Variants in CATSPERD observed in about 807,000 individuals in gnomAD.
CATSPERD encodes cation channel sperm-associated auxiliary subunit delta.
In CATSPERD, 86 loss-of-function variants were observed where a neutral mutation model predicts 98.1. The observed-to-expected ratio is 0.88, with a 90% CI of 0.74 to 1.05. The LOEUF (loss-of-function observed/expected upper bound fraction) is 1.05, where lower values mean the gene tolerates loss of function less well. Among genes scored for constraint, CATSPERD ranks in the 50% least tolerant of loss-of-function variants. The pLI is 0.00. For missense variants in CATSPERD, 995 were observed against 1,005.7 expected (o/e 0.99, Z 0.14); for synonymous variants, 394 against 390.2 (o/e 1.01, Z -0.12).
In CATSPERD at chr19:5,720,696, G is replaced by C. The variant is rs1459109712; in HGVS notation, c.-42G>C. On this transcript the variant is annotated 5_prime_UTR_variant, in exon 1 of 22. Transcript: ENST00000381624. Reference sequence around the variant, plus strand: ...TACTCGGATTGTGCAGCGACTCCCCGTGGCGGTTGAGGGGCAGTGGTGGCG... The same window carrying C: ...TACTCGGATTGTGCAGCGACTCCCCCTGGCGGTTGAGGGGCAGTGGTGGCG... 1.3e-6 allele frequency: 2 copies of C among 1,588,010 alleles called. No individual in the cohort carries two copies. The highest frequency in any genetic ancestry group is 1.7e-6 in the Non-Finnish European group (2 of 1,166,674).
At position 5,757,838 on chromosome 19, in the gene CATSPERD, C is replaced by T. The variant is rs1381979060; in HGVS notation, c.1279-5C>T. The T allele has an allele frequency of 2.4e-5, 38 of 1,611,854 alleles. No individual in the cohort carries two copies. The highest frequency in any genetic ancestry group is 3.1e-5 in the Non-Finnish European group (36 of 1,179,050). Reference sequence around the variant, plus strand: ...ACAGCCTGAGCTTCTCTCCCCCACTCCCAGGTGATGGTGAGCAACCCCCAC... The same window carrying T: ...ACAGCCTGAGCTTCTCTCCCCCACTTCCAGGTGATGGTGAGCAACCCCCAC... On this transcript the variant is annotated splice_region_variant and splice_polypyrimidine_tract_variant and intron_variant, in intron 13 of 21. Coordinates refer to ENST00000381624, the MANE Select transcript of CATSPERD (RefSeq NM_152784.4).
intron 15 of CATSPERD, among the ~76,000 whole-genome samples, chr19:5,762,827 A>G (rs2056467371): frequency 1.4e-5 from 2 of 140,392 alleles, no homozygotes; most frequent in African/African-American, 5.4e-5. Flanking sequence ...TGGATGGATA[A>G]ATGGATAGAT....
intron 20 of CATSPERD, among the ~76,000 whole-genome samples, chr19:5,774,210 C>T (rs1265066319): frequency 6.6e-6 from 1 of 151,802 alleles, no homozygotes; most frequent in Non-Finnish European, 1.5e-5. Flanking sequence ...TTGTGATCCG[C>T]CCGCCTCGGC....
rs1473559084 is a variant in CATSPERD at position 5,751,696 on chromosome 19, GC to G, written c.1040del (p.Pro347GlnfsTer7). 3 of 1,613,572 alleles carry G rather than the reference GC, an allele frequency of 1.9e-6. No individual in the cohort carries two copies. Among genetic ancestry groups the G allele is most frequent in the Non-Finnish European group, 1.7e-6 (2 of 1,179,760 alleles). On this transcript the variant is annotated frameshift_variant, in exon 12 of 22. Coordinates refer to ENST00000381624, the MANE Select transcript of CATSPERD (RefSeq NM_152784.4). LOFTEE classifies it high-confidence loss of function. ...WSEDVALMFR[S>X]PGTLEILTPL... Reference sequence around the variant, plus strand: ...GAAGACGTGGCCCTGATGTTCAGGAGCCCAGGGACTCTGGAAATACTGACCC... The same window carrying G: ...GAAGACGTGGCCCTGATGTTCAGGAGCCAGGGACTCTGGAAATACTGACCC...
At chr19:5,770,846 C>T (rs1053537248) in intron 18 of CATSPERD, 98 bp from the exon 19 acceptor site, 93 of 1,428,214 alleles carry the variant, frequency 6.5e-5, no homozygotes, top group Non-Finnish European at 8.1e-5. Flanking sequence ...CTCTCATGGA[C>T]GATCCCCATT....
At chr19:5,770,035 G>A (rs1343742107) in intron 18 of CATSPERD, among the ~76,000 whole-genome samples, 2 of 150,702 alleles carry the variant, frequency 1.3e-5, no homozygotes, top group Admixed American at 6.6e-5. Context: ...GTTGCAGTGA[G>A]CTGAGATCAC....
At chr19:5,765,409 CAT>C (rs1568369451) in intron 16 of CATSPERD, among the ~76,000 whole-genome samples, 2 of 2,358 alleles carry the variant, frequency 8.5e-4, no homozygotes, top group African/African-American at 2.5e-3. Flanking sequence ...TTGATTTATT[CAT>C]TCATTCATTC....
chr19:5,724,908 A>G, intron 2 of CATSPERD, 46 bp downstream of exon 2: 1 of 1,573,308 alleles, frequency 6.4e-7, no homozygotes, highest in Non-Finnish European at 8.7e-7. Context: ...TTGTCTAAGT[A>G]CAGGATCAGA....
rs566345661 is a variant in CATSPERD, at chr19:5,737,159, A to G, written c.413A>G (p.His138Arg). ...TCAGGTATAAAACACCCTGTTACAC[A>G]TGTCTCTGGTGATAATTGTTGTTAT... Reference protein sequence around the residue: ...MSLGIKHPVTHVSGDNCCYTG... With the variant: ...MSLGIKHPVTRVSGDNCCYTG... Residue 138 changes from histidine (H) to arginine (R), a missense_variant, in exon 6 of 22, where the codon CAT becomes CGT. By Grantham distance (29) the His-to-Arg change is conservative. Transcript: ENST00000381624. 5.5e-5 allele frequency: 88 copies of G among 1,607,968 alleles called. 1 individual carries two copies. In the South Asian group the frequency reaches 8.5e-4, roughly 15 times the overall value.
chr19:5,727,435 T>A, intron 3 of CATSPERD, 91 bp downstream of exon 3: 1 of 987,568 alleles, frequency 1.0e-6, no homozygotes, highest in Non-Finnish European at 1.6e-6. Context: ...GTAAAGAAGA[T>A]GGCTCTGCCG....
chr19:5,759,336 T>C (rs562818649), intron 15 of CATSPERD, among the ~76,000 whole-genome samples, 192 bp downstream of exon 15: 12 of 150,970 alleles, frequency 7.9e-5, no homozygotes, highest in Admixed American at 6.6e-4. Flanking sequence ...CAGAGGTGGG[T>C]GGATCACCTG....
chr19:5,771,583 CTT>C (rs143776994), intron 19 of CATSPERD, among the ~76,000 whole-genome samples: 15 of 140,252 alleles, frequency 1.1e-4, no homozygotes, highest in Admixed American at 1.4e-4. Context: ...TCTTCCTGTT[CTT>C]TTTTTTTTTT....
In CATSPERD at chr19:5,724,819, T is replaced by G. The variant is rs753156824; in HGVS notation, c.83T>G (p.Val28Gly). The G allele has an allele frequency of 6.2e-7, 1 of 1,614,018 alleles. No individual in the cohort carries two copies. Among genetic ancestry groups the G allele is most frequent in the Admixed American group, 1.7e-5 (1 of 60,008 alleles). Residue 28 changes from valine to glycine, a missense_variant, in exon 2 of 22, where the codon GTG (valine) becomes GGG (glycine). Physicochemically the swap from Val to Gly is moderately radical, Grantham distance 109. Coordinates refer to ENST00000381624, the MANE Select transcript of CATSPERD (RefSeq NM_152784.4). ...CTTGTCACTTCTAGTTCTCGCACAGTGAGGACAGGAAAAGTGTTTAATCTG... is the reference window on the plus strand; with the variant it reads ...CTTGTCACTTCTAGTTCTCGCACAGGGAGGACAGGAAAAGTGTTTAATCTG... ...VTAQLCRSRTVRTGKVFNLIQ... is the reference protein window; with the variant it reads ...VTAQLCRSRTGRTGKVFNLIQ...
intron 11 of CATSPERD, among the ~76,000 whole-genome samples, chr19:5,750,003 C>T (rs981018411): frequency 1.3e-5 from 2 of 151,150 alleles, no homozygotes; most frequent in Non-Finnish European, 1.5e-5. Flanking sequence ...AGGGTTTCAC[C>T]ATATTGTCCA....
intron 14 of CATSPERD, among the ~76,000 whole-genome samples, chr19:5,758,509 C>G (rs1465225126): frequency 1.3e-5 from 2 of 149,214 alleles, no homozygotes. Flanking sequence ...GGGTGGATCA[C>G]TTGAGGTCAG....
In CATSPERD at chr19:5,755,169, G is replaced by T. The variant is rs556842239; in HGVS notation, c.1278+924G>T. On this transcript the variant is annotated intron_variant, in intron 13 of 21. Coordinates refer to ENST00000381624, the MANE Select transcript of CATSPERD (RefSeq NM_152784.4). ...CATTTTCTTAACTCAGCCTGAGTTG[G>T]CTTCTCTTGCTAGCAGCTAAGAGCC... 5.9e-5 allele frequency among the ~76,000 whole-genome samples: 9 copies of T among 152,016 alleles called. No homozygotes were observed. The East Asian group carries it at 1.7e-3, about 29-fold the overall frequency.
At chr19:5,762,762 A>T (rs983437722) in intron 15 of CATSPERD, among the ~76,000 whole-genome samples, 2 of 150,454 alleles carry the variant, frequency 1.3e-5, no homozygotes, top group African/African-American at 2.5e-5. Flanking sequence ...GGATGGATGG[A>T]TGGATAGGTG....
At chr19:5,732,704 G>A (rs909777373) in intron 4 of CATSPERD, among the ~76,000 whole-genome samples, 2 of 151,656 alleles carry the variant, frequency 1.3e-5, no homozygotes, top group African/African-American at 4.8e-5. Flanking sequence ...TTTTGAGACC[G>A]AGTCTCTGTC....
chr19:5,724,277 G>C (rs2055560252), intron 1 of CATSPERD, among the ~76,000 whole-genome samples: 2 of 151,650 alleles, frequency 1.3e-5, no homozygotes, highest in Admixed American at 1.3e-4. Context: ...TGGCCAGGTT[G>C]GTCTTGAACT....
Sources: allele counts gnomAD v4.1 joint callset (sites outside exome capture counted in the v4.1 genomes callset), GRCh38; gene constraint gnomAD v4.1.1; transcripts MANE v1.5; gene names NCBI Gene and HGNC (gene_info 2026-07-23, HGNC 2026-07-21).